The following PCDHGA2 variants were observed in gnomAD, a reference collection of about 807,000 sequenced individuals.
The protein encoded by PCDHGA2 is protocadherin gamma subfamily A, 2.
Under a neutral mutation model 59.2 loss-of-function variants are expected in PCDHGA2, and 40 were observed. The ratio of observed to expected loss-of-function variants is 0.68; its 90% CI spans 0.52 to 0.88. The LOEUF (loss-of-function observed/expected upper bound fraction) is 0.88. PCDHGA2 is among the 40% of genes least tolerant of loss of function. The probability of loss-of-function intolerance (pLI) is 0.00; values close to 1 mark genes in which losing one functional copy is unlikely to be tolerated. For synonymous variants in PCDHGA2, 560 were observed against 526.0 expected (o/e 1.06, Z -0.89); for missense variants, 1,226 against 1,204.0 (o/e 1.02, Z -0.27).
At chr5:141,389,514 G>C (rs1030106901) in intron 1 of PCDHGA2, 2 of 1,613,132 alleles carry the variant, frequency 1.2e-6, no homozygotes, top group Non-Finnish European at 1.7e-6. Flanking sequence ...CAGCGCGAAC[G>C]TGAGCCTGCG....
rs2233610 is a variant in PCDHGA2, at chr5:141,505,535, G to A, written c.2572+54G>A. ...AGTGGGAGACCTGGGGTTCTGGGGT[G>A]CATCTCACAGCCACCATGCCCACGG... is the stretch of plus-strand genomic sequence containing the variant. On this transcript the variant is annotated intron_variant, in intron 3 of 3. Transcript: ENST00000394576. 12 of 1,610,344 alleles carry A rather than the reference G, an allele frequency of 7.5e-6. No individual in the cohort carries two copies. The East Asian group carries it at 1.8e-4, about 24-fold the overall frequency.
chr5:141,360,275 T>C, intron 1 of PCDHGA2: 2 of 1,613,826 alleles, frequency 1.2e-6, no homozygotes, highest in South Asian at 1.1e-5. Context: ...AACTCGGTCG[T>C]AGGAAACCTC....
chr5:141,453,796 T>C (rs1592274016), intron 1 of PCDHGA2, among the ~76,000 whole-genome samples: 1 of 152,242 alleles, frequency 6.6e-6, no homozygotes, highest in East Asian at 1.9e-4. Context: ...ATATTAACTT[T>C]GAGTAGTTCC....
chr5:141,451,209 G>C (rs556588482), intron 1 of PCDHGA2, among the ~76,000 whole-genome samples: 1 of 152,266 alleles, frequency 6.6e-6, no homozygotes, highest in African/African-American at 2.4e-5. Flanking sequence ...CCAAAACTTA[G>C]TGGCTTAAAA....
At position 141,510,993 on chromosome 5, in the gene PCDHGA2, G is replaced by A. The variant is rs1457918073; in HGVS notation, c.2619G>A (p.Met873Ile). The A allele has an allele frequency of 4.3e-6, 7 of 1,614,046 alleles. No homozygotes were observed. Among genetic ancestry groups the A allele is most frequent in the African/African-American group, 1.3e-5 (1 of 74,906 alleles). ...CCCTGGGAGGGGGTGCCGGCACCAT[G>A]GGATTGAGCGCCCGCTACGGACCCC... ...SSTLGGGAGT[M>I]GLSARYGPQF... The change falls in exon 4 of 4, where the codon ATG (methionine) becomes ATA (isoleucine). Residue 873 changes from methionine to isoleucine, a missense_variant. Transcript: ENST00000394576.
intron 1 of PCDHGA2, chr5:141,384,276 C>A: frequency 6.2e-7 from 1 of 1,613,888 alleles, no homozygotes; most frequent in Non-Finnish European, 8.5e-7. Context: ...CCTACTCAGT[C>A]TACATCGCTG....
In PCDHGA2 at chr5:141,339,970, T is replaced by G; in HGVS notation, c.999T>G (p.Val333=). ...CGGGCCTTCTAACCAGAGCGAAGGT[T>G]ATCGTCACGGTTCTGGATGTGAATG... ...DGPGLLTRAK[V]IVTVLDVNDN... Residue 333 remains valine, a synonymous_variant, in exon 1 of 4, where the codon GTT becomes GTG. Coordinates refer to ENST00000394576, the MANE Select transcript of PCDHGA2 (RefSeq NM_018915.4). 6.2e-7 allele frequency: 1 copy of G among 1,614,170 alleles called. No homozygotes were observed. The highest frequency in any genetic ancestry group is 8.5e-7 in the Non-Finnish European group (1 of 1,180,006).
chr5:141,423,071 C>T, intron 1 of PCDHGA2: 2 of 1,614,120 alleles, frequency 1.2e-6, no homozygotes, highest in South Asian at 1.1e-5. Flanking sequence ...GCCAGCGAGC[C>T]GGGACTCTTC....
chr5:141,439,676 G>A (rs543598257), intron 1 of PCDHGA2, among the ~76,000 whole-genome samples: 27 of 152,292 alleles, frequency 1.8e-4, no homozygotes, highest in Admixed American at 1.0e-3. Flanking sequence ...GCAAATCCAA[G>A]AGCAGACCCA....
intron 1 of PCDHGA2, chr5:141,357,538 A>G: frequency 1.9e-6 from 3 of 1,614,228 alleles, no homozygotes; most frequent in Admixed American, 1.7e-5. Context: ...AGACACGCTC[A>G]TCAGCCGGGA....
intron 1 of PCDHGA2, chr5:141,399,810 C>A (rs148150333): frequency 2.5e-6 from 4 of 1,613,076 alleles, no homozygotes; most frequent in Middle Eastern, 1.7e-4. Flanking sequence ...TGCTGTACCC[C>A]GCGCTGGGTC....
At chr5:141,356,760 C>A (rs1173704471) in intron 1 of PCDHGA2, 1 of 1,613,850 alleles carries the variant, frequency 6.2e-7, no homozygotes, top group South Asian at 1.1e-5. Context: ...TTTGCTCCTT[C>A]GACTATGAGC....
rs936869534 is a variant in PCDHGA2, at chr5:141,371,001, G to T, written c.2424+29606G>T. The T allele has an allele frequency of 1.9e-6, 3 of 1,613,852 alleles. No homozygotes were observed. In the African/African-American group the frequency reaches 4.0e-5, roughly 22 times the overall value. ...AGTACTGAAAGCACCCCTGGACAGG[G>T]AAGAGCAGCCACATCACCACCTGGT... On this transcript the variant is annotated intron_variant, in intron 1 of 3. Coordinates refer to ENST00000394576, the MANE Select transcript of PCDHGA2 (RefSeq NM_018915.4).
intron 1 of PCDHGA2, chr5:141,356,863 C>T: frequency 6.2e-7 from 1 of 1,614,220 alleles, no homozygotes; most frequent in Non-Finnish European, 8.5e-7. Context: ...TGTGCTGGAC[C>T]AGAACGACAA....
intron 1 of PCDHGA2, among the ~76,000 whole-genome samples, chr5:141,430,366 A>G (rs551419486): frequency 3.3e-5 from 5 of 150,370 alleles, no homozygotes; most frequent in Admixed American, 6.7e-5. Context: ...CTCATTGGGG[A>G]AAAAAAAGCT....
At chr5:141,500,360 T>C (rs1224064939) in intron 2 of PCDHGA2, among the ~76,000 whole-genome samples, 1 of 151,664 alleles carries the variant, frequency 6.6e-6, no homozygotes, top group Non-Finnish European at 1.5e-5. Context: ...AGGCGCCCAC[T>C]ACCACGCCCG....
At position 141,399,337 on chromosome 5, in the gene PCDHGA2, GGAACCCTAGACC is replaced by G. The variant is rs754766358; in HGVS notation, c.2424+57945_2424+57956del. 29 of 1,613,990 alleles carry G rather than the reference GGAACCCTAGACC, an allele frequency of 1.8e-5. No individual in the cohort carries two copies. In the South Asian group the frequency reaches 3.1e-4, roughly 17 times the overall value. Reference sequence around the variant, plus strand: ...AAATTCGTATAAGTTGGTAACAGATGGAACCCTAGACCGAGAGCAAACCCCGGAGTACAATGT... The same window carrying G: ...AAATTCGTATAAGTTGGTAACAGATGGAGAGCAAACCCCGGAGTACAATGT... On this transcript the variant is annotated intron_variant, in intron 1 of 3. Transcript: ENST00000394576.
chr5:141,370,413 T>C (rs778967972), intron 1 of PCDHGA2: 2 of 1,567,918 alleles, frequency 1.3e-6, no homozygotes, highest in South Asian at 2.4e-5. Flanking sequence ...TAGCTCCGGA[T>C]GGAGGGGCCC....
At position 141,432,156 on chromosome 5, in the gene PCDHGA2, C is replaced by A; in HGVS notation, c.2425-62651C>A. On this transcript the variant is annotated intron_variant, in intron 1 of 3. Transcript: ENST00000394576. This position sits in a 1 kb window ranked among gnomAD's most constrained non-coding sequence, Gnocchi z 6.0. Reference sequence around the variant, plus strand: ...TCCGCTTATATCCCAGAGAACAATCCCAGAGGAGTTTCCCTCGTCTCTGTG... The same window carrying A: ...TCCGCTTATATCCCAGAGAACAATCACAGAGGAGTTTCCCTCGTCTCTGTG... The A allele has an allele frequency of 6.2e-7, 1 of 1,614,142 alleles. No homozygotes were observed. Among genetic ancestry groups the A allele is most frequent in the East Asian group, 2.2e-5 (1 of 44,874 alleles).
Sources: allele counts gnomAD v4.1 joint callset (sites outside exome capture counted in the v4.1 genomes callset), GRCh38; gene constraint gnomAD v4.1.1; non-coding constraint Gnocchi (gnomAD v3.1); transcripts MANE v1.5; gene names NCBI Gene and HGNC (gene_info 2026-07-23, HGNC 2026-07-21).